Variants in SLC9A3 observed in about 807,000 individuals in gnomAD.
The protein encoded by SLC9A3 is sodium/hydrogen exchanger 3.
A neutral mutation model predicts 86.8 loss-of-function variants in SLC9A3; 37 were observed. The ratio of observed to expected loss-of-function variants is 0.43; its 90% CI spans 0.33 to 0.56. SLC9A3 has a LOEUF of 0.56. SLC9A3 is among the 20% of genes least tolerant of loss of function. The pLI is 0.06. For missense variants in SLC9A3, 1,011 were observed against 1,171.9 expected (o/e 0.86, Z 2.00); for synonymous variants, 581 against 528.3 (o/e 1.10, Z -1.37).
chr5:517,771 C>A (rs987010048), intron 1 of SLC9A3, among the ~76,000 whole-genome samples: 5 of 151,134 alleles, frequency 3.3e-5, no homozygotes, highest in African/African-American at 7.3e-5. Context: ...ATCCACCCAT[C>A]CATCCACTCG....
chr5:522,739 CAA>C lies in SLC9A3; in HGVS notation c.211+1371_211+1372del, dbSNP rs397960621. Among the ~76,000 whole-genome samples, 105 of 98,062 alleles carry C rather than the reference CAA, an allele frequency of 1.1e-3. 1 individual carries two copies. The highest frequency in any genetic ancestry group is 2.6e-3 in the African/African-American group (77 of 30,192). The allele number at this position is 98,062 out of a possible 152,430, so 64.3% of individuals were successfully genotyped here. A position where few individuals can be genotyped will look rare whatever the true frequency, so the allele number is the denominator to read the frequency against. On this transcript the variant is annotated intron_variant, in intron 1 of 16. Coordinates refer to ENST00000264938, the MANE Select transcript of SLC9A3 (RefSeq NM_004174.4). The stretch of plus-strand genomic sequence containing the variant: ...GGGCAACAAGAGCAAAATTCTATCT[CAA>C]AAAAAAAAAAAAAAGAAAAAAAAAG...
Position 484,513 on chromosome 5 carries a change from GAC to G in SLC9A3, c.932+5_932+6del. On this transcript the variant is annotated splice_donor_5th_base_variant and intron_variant, in intron 5 of 16. Coordinates refer to ENST00000264938, the MANE Select transcript of SLC9A3 (RefSeq NM_004174.4). ...TGGAGAAGCTCGCGTGTGTGGGAGG[GAC>G]TCACGCGAGGATGGCCGACAGCGAC... 1 of 1,612,038 alleles carries G rather than the reference GAC, an allele frequency of 6.2e-7. No individual in the cohort carries two copies. Among genetic ancestry groups the G allele is most frequent in the Non-Finnish European group, 8.5e-7 (1 of 1,179,024 alleles).
chr5:491,115 G>A lies in SLC9A3; in HGVS notation c.514+654C>T, dbSNP rs1047932265. On this transcript the variant is annotated intron_variant, in intron 2 of 16. Coordinates refer to ENST00000264938, the MANE Select transcript of SLC9A3 (RefSeq NM_004174.4). This position sits in a 1 kb window ranked among gnomAD's most constrained non-coding sequence, Gnocchi z 9.2. ...CAGACCGGTGAGGGCGGCAGGTGCC[G>A]GAGGCCTGCGCTCAGCCGTGGGGCC... Among the ~76,000 whole-genome samples the A allele has an allele frequency of 2.7e-4, 41 of 152,322 alleles. No individual in the cohort carries two copies. Among genetic ancestry groups the A allele is most frequent in the African/African-American group, 8.7e-4 (36 of 41,566 alleles).
intron 1 of SLC9A3, among the ~76,000 whole-genome samples, chr5:502,824 G>A (rs1740354283): frequency 6.6e-6 from 1 of 151,478 alleles, no homozygotes; most frequent in Non-Finnish European, 1.5e-5. Flanking sequence ...GACACAGACG[G>A]GCGCCGAAAG....
intron 4 of SLC9A3, 119 bp from the exon 5 acceptor site, chr5:484,816 C>G (rs529541911): frequency 3.2e-6 from 3 of 940,852 alleles, no homozygotes; most frequent in South Asian, 3.1e-5. Flanking sequence ...ATCCCTCACT[C>G]TCTTGGAGAT....
chr5:475,138 A>C lies in SLC9A3; in HGVS notation c.2252-6T>G, dbSNP rs766453410. The C allele has an allele frequency of 4.3e-5, 68 of 1,570,788 alleles. No individual in the cohort carries two copies. The highest frequency in any genetic ancestry group is 5.8e-5 in the Non-Finnish European group (67 of 1,156,918). ...AAACACAGGGTTGTCAATTCCTAGGAGAGAGGGCAGCGGCTAGTCAGCCTT... is the reference window on the plus strand; with the variant it reads ...AAACACAGGGTTGTCAATTCCTAGGCGAGAGGGCAGCGGCTAGTCAGCCTT... On this transcript the variant is annotated splice_region_variant and splice_polypyrimidine_tract_variant and intron_variant, in intron 15 of 16. Transcript: ENST00000264938.
chr5:507,542 G>A (rs1246866309), intron 1 of SLC9A3, among the ~76,000 whole-genome samples: 3 of 151,770 alleles, frequency 2.0e-5, no homozygotes, highest in Admixed American at 6.6e-5. Flanking sequence ...TGGGATTACA[G>A]GTGTGAGCCA....
At chr5:482,981 G>A (rs1023597348) in intron 6 of SLC9A3, among the ~76,000 whole-genome samples, 2 of 151,790 alleles carry the variant, frequency 1.3e-5, no homozygotes, top group African/African-American at 4.8e-5. Context: ...CTGGGGGATG[G>A]GGCTGGGCGG....
chr5:488,810 G>A (rs1739588276), intron 2 of SLC9A3, among the ~76,000 whole-genome samples: 1 of 152,330 alleles, frequency 6.6e-6, no homozygotes, highest in East Asian at 1.9e-4. Flanking sequence ...CGCCTGGAGT[G>A]GCGTCCCAGC....
chr5:480,648 G>T (rs1367370885), intron 9 of SLC9A3: 1 of 152,328 alleles, frequency 6.6e-6, no homozygotes, highest in Non-Finnish European at 1.5e-5. Flanking sequence ...CCCCGGGATG[G>T]CCCCTGGGAG....
In SLC9A3 at chr5:498,472, G is replaced by A. The variant is rs186409517; in HGVS notation, c.212-6401C>T. ...GACTGGAGTGCAGCGGCACCACCTC[G>A]GCTCACTGCAACCTCCGCCTCCTGG... On this transcript the variant is annotated intron_variant, in intron 1 of 16. Transcript: ENST00000264938. Among the ~76,000 whole-genome samples the A allele has an allele frequency of 3.7e-4, 57 of 152,302 alleles. No homozygotes were observed. In the East Asian group the frequency reaches 0.01, roughly 27 times the overall value.
At chr5:492,647 A>G (rs1275252148) in intron 1 of SLC9A3, among the ~76,000 whole-genome samples, 1 of 148,748 alleles carries the variant, frequency 6.7e-6, no homozygotes, top group Non-Finnish European at 1.5e-5. Context: ...CCCGTGCTGG[A>G]TGGACGGTGG....
At chr5:509,322 C>T (rs1158079710) in intron 1 of SLC9A3, among the ~76,000 whole-genome samples, 2 of 151,110 alleles carry the variant, frequency 1.3e-5, no homozygotes, top group South Asian at 2.1e-4. Flanking sequence ...GGTACCGTGG[C>T]GCATGCCTGT....
In SLC9A3 at chr5:485,058, G is replaced by T; in HGVS notation, c.754+95C>A. 5 of 953,256 alleles carry T rather than the reference G, an allele frequency of 5.2e-6. 1 individual carries two copies. In the Middle Eastern group the frequency reaches 8.3e-4, roughly 158 times the overall value. The allele number at this position is 953,256 out of a possible 1,614,324, so 59.0% of individuals were successfully genotyped here. A position where few individuals can be genotyped will look rare whatever the true frequency, so the allele number is the denominator to read the frequency against. On this transcript the variant is annotated intron_variant, in intron 4 of 16. Transcript: ENST00000264938. The stretch of plus-strand genomic sequence containing the variant: ...AGGGCCCAGTGTAGCAGCTTTGAGT[G>T]CAAAGCTTTTTCCTGCATGGGCTGC...
intron 1 of SLC9A3, among the ~76,000 whole-genome samples, chr5:506,837 G>A (rs1740602683): frequency 6.6e-6 from 1 of 151,874 alleles, no homozygotes; most frequent in Non-Finnish European, 1.5e-5. Flanking sequence ...GGAGGCCAAG[G>A]TGGGTGGATC....
At chr5:505,992 G>A (rs1224070746) in intron 1 of SLC9A3, among the ~76,000 whole-genome samples, 1 of 152,006 alleles carries the variant, frequency 6.6e-6, no homozygotes, top group African/African-American at 2.4e-5. Context: ...CAAATGCCCT[G>A]CAGGGGAGCA....
chr5:524,069 C>T (rs1733962737), intron 1 of SLC9A3, 43 bp downstream of exon 1: 3 of 1,356,536 alleles, frequency 2.2e-6, no homozygotes, highest in East Asian at 3.1e-5. Context: ...CAGAGGCGGC[C>T]GCACACCCCG....
chr5:512,520 G>A (rs1733584700), intron 1 of SLC9A3, among the ~76,000 whole-genome samples: 1 of 152,090 alleles, frequency 6.6e-6, no homozygotes, highest in Non-Finnish European at 1.5e-5. Flanking sequence ...TAATAATAAT[G>A]TATCAAGAGT....
At position 488,409 on chromosome 5, in the gene SLC9A3, C is replaced by T. The variant is rs371624240; in HGVS notation, c.582G>A (p.Val194=). 17 of 1,607,978 alleles carry T rather than the reference C, an allele frequency of 1.1e-5. No individual in the cohort carries two copies. Among genetic ancestry groups the T allele is most frequent in the Middle Eastern group, 1.7e-4 (1 of 6,040 alleles). The change falls in exon 3 of 17, where the codon GTG becomes GTA. Residue 194 remains valine, a synonymous_variant. Coordinates refer to ENST00000264938, the MANE Select transcript of SLC9A3 (RefSeq NM_004174.4). ...CCTCCTCAAACACGGCCAGGACGGC[C>T]ACCGGGTCCACAGCCGCCATGAGGC... ...FGSLMAAVDP[V]AVLAVFEEVH...
Sources: allele counts gnomAD v4.1 joint callset (sites outside exome capture counted in the v4.1 genomes callset), GRCh38; gene constraint gnomAD v4.1.1; non-coding constraint Gnocchi (gnomAD v3.1); transcripts MANE v1.5; gene names NCBI Gene and HGNC (gene_info 2026-07-23, HGNC 2026-07-21).